Variants in INVS observed in about 807,000 individuals in gnomAD.
The protein encoded by INVS is inversin.
INVS carries 86 observed loss-of-function variants against 108.8 expected under a neutral mutation model. The observed-to-expected ratio is 0.79, with a 90% CI of 0.66 to 0.95. The LOEUF is 0.95. Among genes scored for constraint, INVS ranks in the 40% least tolerant of loss-of-function variants. INVS has a pLI of 0.00. For synonymous variants in INVS, 455 were observed against 473.5 expected, an observed-to-expected ratio of 0.96 and a Z score of 0.51; for missense variants, 1,169 against 1,297.4, an observed-to-expected ratio of 0.90 and a Z score of 1.52.
intron 3 of INVS, among the ~76,000 whole-genome samples, chr9:100,211,647 A>T (rs1370135289): frequency 6.6e-6 from 1 of 152,182 alleles, no homozygotes; most frequent in Non-Finnish European, 1.5e-5. Flanking sequence ...ATTGGGGGGA[A>T]ATATTAGAAG....
intron 6 of INVS, among the ~76,000 whole-genome samples, chr9:100,240,767 TATAAG>T (rs1260448933): frequency 2.0e-5 from 3 of 152,144 alleles, no homozygotes; most frequent in African/African-American, 4.8e-5. Flanking sequence ...TAGTCATTGT[TATAAG>T]ATAAATAATC....
chr9:100,268,258 G>A (rs1396198460), intron 11 of INVS, among the ~76,000 whole-genome samples: 1 of 152,142 alleles, frequency 6.6e-6, no homozygotes, highest in Non-Finnish European at 1.5e-5. Flanking sequence ...GAGATGTGCT[G>A]TGCTACAAGG....
intron 13 of INVS, among the ~76,000 whole-genome samples, chr9:100,287,877 C>T (rs1833493946): frequency 6.6e-6 from 1 of 152,162 alleles, no homozygotes; most frequent in African/African-American, 2.4e-5. Flanking sequence ...CTGATTATCT[C>T]ATCACACTTG....
chr9:100,182,415 GA>G (rs60637988), intron 3 of INVS, among the ~76,000 whole-genome samples: 2 of 151,720 alleles, frequency 1.3e-5, no homozygotes, highest in Non-Finnish European at 2.9e-5. Context: ...AAACTTACAA[GA>G]AAAAAACAAC....
At chr9:100,230,427 A>G (rs1283687900) in intron 5 of INVS, among the ~76,000 whole-genome samples, 1 of 152,166 alleles carries the variant, frequency 6.6e-6, no homozygotes, top group African/African-American at 2.4e-5. Context: ...TGAATTTGAT[A>G]TACAAGGAAT....
At chr9:100,126,909 T>C (rs1024322370) in intron 3 of INVS, among the ~76,000 whole-genome samples, 1 of 152,150 alleles carries the variant, frequency 6.6e-6, no homozygotes, top group East Asian at 1.9e-4. Flanking sequence ...GGGTTTAAAT[T>C]TGGGGAATAT....
intron 9 of INVS, 67 bp from the exon 10 acceptor site, chr9:100,252,840 C>A: frequency 9.3e-7 from 1 of 1,077,452 alleles, no homozygotes; most frequent in Non-Finnish European, 1.4e-6. Flanking sequence ...ATTGTTTTTT[C>A]TACTCCTACT....
intron 3 of INVS, among the ~76,000 whole-genome samples, chr9:100,209,993 C>G (rs568819136): frequency 5.3e-5 from 8 of 152,250 alleles, no homozygotes; most frequent in Admixed American, 2.0e-4. Context: ...AATGCCGTCG[C>G]ACATTCAGCT....
intron 3 of INVS, among the ~76,000 whole-genome samples, chr9:100,201,746 G>T (rs745439983): frequency 3.8e-4 from 58 of 152,228 alleles, no homozygotes; most frequent in Non-Finnish European, 4.1e-4. Flanking sequence ...GGTATAGTCT[G>T]CAAAAGCAGG....
chr9:100,169,622 G>C (rs891779291), intron 3 of INVS, among the ~76,000 whole-genome samples: 12 of 152,116 alleles, frequency 7.9e-5, no homozygotes, highest in African/African-American at 2.7e-4. Context: ...TCCAAAAGCA[G>C]GTATAATTTT....
rs149648381 is a variant in INVS, at chr9:100,200,384, A to T, written c.274-25678A>T. Among the ~76,000 whole-genome samples the T allele has an allele frequency of 4.1e-3, 630 of 152,298 alleles. 3 individuals are homozygous for T. The highest frequency in any genetic ancestry group is 0.015 in the African/African-American group (604 of 41,558). ...TATAGCATACTCAGAATTGTGGATG[A>T]TACCTTGTAGGGACTCTTGATTCTG... On this transcript the variant is annotated intron_variant, in intron 3 of 16. Coordinates refer to ENST00000262457, the MANE Select transcript of INVS (RefSeq NM_014425.5).
chr9:100,281,814 G>A (rs1833287780), intron 12 of INVS, among the ~76,000 whole-genome samples: 2 of 150,474 alleles, frequency 1.3e-5, no homozygotes, highest in South Asian at 2.1e-4. Flanking sequence ...CACTTTAAAA[G>A]GCTGGATCCC....
At chr9:100,150,286 C>T (rs113361758) in intron 3 of INVS, among the ~76,000 whole-genome samples, 55 of 152,208 alleles carry the variant, frequency 3.6e-4, no homozygotes, top group South Asian at 2.5e-3. Context: ...ATTTTCTAAT[C>T]ATCTTCATCT....
chr9:100,118,223 T>G (rs1827611587), intron 2 of INVS, among the ~76,000 whole-genome samples: 1 of 151,204 alleles, frequency 6.6e-6, no homozygotes, highest in Non-Finnish European at 1.5e-5. Flanking sequence ...TTGTTGTTGT[T>G]GTTGAGACAG....
At chr9:100,124,014 G>A (rs1461555553) in intron 2 of INVS, among the ~76,000 whole-genome samples, 1 of 152,092 alleles carries the variant, frequency 6.6e-6, no homozygotes, top group East Asian at 1.9e-4. Context: ...TTGCCATGTT[G>A]GCCAGGCTGG....
intron 8 of INVS, among the ~76,000 whole-genome samples, chr9:100,248,322 A>T (rs960452002): frequency 6.6e-6 from 1 of 152,216 alleles, no homozygotes; most frequent in South Asian, 2.1e-4. Flanking sequence ...AGTATCTCAT[A>T]TGCACCATGG....
Position 100,242,560 on chromosome 9 carries a change from CT to C in INVS, c.797-6del. ...ATAAGTGATAATTACCTTTTTGTGT[CT>C]TTTCTCAGGCCATGCACAGATTGTC... On this transcript the variant is annotated splice_polypyrimidine_tract_variant and intron_variant, in intron 6 of 16. Coordinates refer to ENST00000262457, the MANE Select transcript of INVS (RefSeq NM_014425.5). 1 of 1,440,104 alleles carries C rather than the reference CT, an allele frequency of 6.9e-7. No homozygotes were observed. 89.2% of individuals were successfully genotyped at this position (1,440,104 alleles called of 1,614,324 possible).
chr9:100,229,765 C>G lies in INVS; in HGVS notation c.553C>G (p.Pro185Ala), dbSNP rs746955201. 1 of 1,614,114 alleles carries G rather than the reference C, an allele frequency of 6.2e-7. No individual in the cohort carries two copies. The highest frequency in any genetic ancestry group is 8.5e-7 in the Non-Finnish European group (1 of 1,180,016). ...GATTCCTGATGTTGAAGGCAAGATC[C>G]CACTTCACTGGGCAGCCAACCATAA... is the stretch of plus-strand genomic sequence containing the variant. Reference protein sequence around the residue: ...IGIPDVEGKIPLHWAANHKDP... With the variant: ...IGIPDVEGKIALHWAANHKDP... Residue 185 changes from proline to alanine, a missense_variant, in exon 5 of 17, where the codon CCA (proline) becomes GCA (alanine). By Grantham distance (27) the Pro-to-Ala change is conservative. Around this residue, in one of 3 missense-constraint regions of INVS, gnomAD observed 365 missense variants for 397.5 expected, o/e 0.92. Coordinates refer to ENST00000262457, the MANE Select transcript of INVS (RefSeq NM_014425.5).
chr9:100,161,563 A>G (rs1210272940), intron 3 of INVS, among the ~76,000 whole-genome samples: 1 of 152,098 alleles, frequency 6.6e-6, no homozygotes, highest in Non-Finnish European at 1.5e-5. Flanking sequence ...TACAAAGAAC[A>G]TAATTGGAGC....
Sources: allele counts gnomAD v4.1 joint callset (sites outside exome capture counted in the v4.1 genomes callset), GRCh38; gene constraint gnomAD v4.1.1; regional missense constraint gnomAD v4.1.1; transcripts MANE v1.5; gene names NCBI Gene and HGNC (gene_info 2026-07-23, HGNC 2026-07-21).